Variants in KIAA0319L observed in about 807,000 individuals in gnomAD.
KIAA0319L encodes dyslexia-associated protein KIAA0319-like protein.
KIAA0319L carries 55 observed loss-of-function variants against 120.1 expected under a neutral mutation model. The ratio of observed to expected loss-of-function variants is 0.46; its 90% confidence interval spans 0.37 to 0.57. The LOEUF (loss-of-function observed/expected upper bound fraction) is 0.57. Among genes scored for constraint, KIAA0319L ranks in the 20% least tolerant of loss-of-function variants. KIAA0319L has a pLI of 0.00. For synonymous variants in KIAA0319L, 398 were observed against 471.9 expected, an observed-to-expected ratio of 0.84 and a Z score of 2.03; for missense variants, 1,049 against 1,255.3, an observed-to-expected ratio of 0.84 and a Z score of 2.48.
intron 3 of KIAA0319L, among the ~76,000 whole-genome samples, chr1:35,479,659 A>G (rs1353178308): frequency 1.3e-5 from 2 of 152,166 alleles, no homozygotes; most frequent in African/African-American, 4.8e-5. Context: ...TACTCCCAAC[A>G]CTTTGGGAGG....
chr1:35,546,461 C>T (rs763145391), intron 2 of KIAA0319L, among the ~76,000 whole-genome samples: 17 of 152,140 alleles, frequency 1.1e-4, no homozygotes, highest in Admixed American at 1.0e-3. Flanking sequence ...TTACTGAACT[C>T]AGAAGAGGAT....
intron 2 of KIAA0319L, among the ~76,000 whole-genome samples, chr1:35,548,335 T>C (rs1427835028): frequency 6.6e-6 from 1 of 152,042 alleles, no homozygotes; most frequent in East Asian, 1.9e-4. Flanking sequence ...TCCATCCATC[T>C]CCATCTCCAC....
intron 6 of KIAA0319L, among the ~76,000 whole-genome samples, chr1:35,467,317 A>AT (rs1643333410): frequency 6.6e-6 from 1 of 152,002 alleles, no homozygotes; most frequent in Admixed American, 6.6e-5. Context: ...ATATCTGAAT[A>AT]TTTTTCCCTC....
chr1:35,510,191 T>C (rs926893085), intron 2 of KIAA0319L: 8 of 152,166 alleles, frequency 5.3e-5, no homozygotes, highest in Admixed American at 1.3e-4. Flanking sequence ...TGGAATAGTC[T>C]TCATGAGCAG....
At chr1:35,512,871 C>CAAAAA (rs746942793) in intron 2 of KIAA0319L, among the ~76,000 whole-genome samples, 25 of 48,182 alleles carry the variant, frequency 5.2e-4, no homozygotes, top group African/African-American at 8.6e-4. Flanking sequence ...GACTCCATCT[C>CAAAAA]AAAAAAAAAA....
At chr1:35,519,878 TA>T (rs2148439780) in intron 2 of KIAA0319L, among the ~76,000 whole-genome samples, 1 of 152,322 alleles carries the variant, frequency 6.6e-6, no homozygotes, top group South Asian at 2.1e-4. Flanking sequence ...CCAGCACTGA[TA>T]TTCTCCACTC....
At chr1:35,510,024 T>A (rs1213823563) in intron 2 of KIAA0319L, 2 of 152,582 alleles carry the variant, frequency 1.3e-5, no homozygotes, top group Admixed American at 1.3e-4. Context: ...AAAAGTGTCA[T>A]GATAGAAAGA....
intron 9 of KIAA0319L, among the ~76,000 whole-genome samples, chr1:35,458,341 C>T (rs561497026): frequency 6.6e-6 from 1 of 152,174 alleles, no homozygotes; most frequent in Non-Finnish European, 1.5e-5. Context: ...TCACCTCAAA[C>T]AGTCCCTGGC....
At chr1:35,477,396 G>T (rs184090957) in intron 4 of KIAA0319L, among the ~76,000 whole-genome samples, 1 of 152,128 alleles carries the variant, frequency 6.6e-6, no homozygotes, top group Non-Finnish European at 1.5e-5. Context: ...GGCCGGGCGC[G>T]GTGGCTCACG....
intron 7 of KIAA0319L, 23 bp from the exon 8 acceptor site, chr1:35,462,736 A>T (rs762144398): frequency 3.7e-5 from 59 of 1,577,954 alleles, no homozygotes; most frequent in Non-Finnish European, 4.0e-5. Context: ...GACCCAAAAG[A>T]AATTGGGAAA....
chr1:35,472,368 T>C (rs543078092), intron 5 of KIAA0319L, among the ~76,000 whole-genome samples: 1 of 152,188 alleles, frequency 6.6e-6, no homozygotes, highest in African/African-American at 2.4e-5. Context: ...CTCAGCTCAC[T>C]GCAACCTCTG....
chr1:35,533,812 A>T (rs977639999), intron 2 of KIAA0319L, among the ~76,000 whole-genome samples: 2 of 152,192 alleles, frequency 1.3e-5, no homozygotes, highest in African/African-American at 4.8e-5. Flanking sequence ...ACCGTTCAAA[A>T]ACAAACCTCC....
chr1:35,444,386 T>G, intron 16 of KIAA0319L, 83 bp from the exon 17 acceptor site: 1 of 1,328,010 alleles, frequency 7.5e-7, no homozygotes, highest in African/African-American at 1.5e-5. Flanking sequence ...TACCTTCTGT[T>G]TGTGACAGAC....
At chr1:35,454,614 C>T in intron 10 of KIAA0319L, 129 bp from the exon 11 acceptor site, 2 of 1,456,200 alleles carry the variant, frequency 1.4e-6, no homozygotes, top group Non-Finnish European at 1.8e-6. Context: ...TATTACGTAC[C>T]AGTTCAGCAT....
At position 35,505,460 on chromosome 1, in the gene KIAA0319L, C is replaced by CT. The variant is rs1167736238; in HGVS notation, c.666+1151dup. ...ACTTGCCTGCTGAAGTGAATCACTT[C>CT]TTGTGTTCTTACTGCATTGTGTACA... is the stretch of plus-strand genomic sequence containing the variant. On this transcript the variant is annotated intron_variant, in intron 3 of 20. Transcript: ENST00000325722. Among the ~76,000 whole-genome samples, 4 of 152,302 alleles carry CT rather than the reference C, an allele frequency of 2.6e-5. No individual in the cohort carries two copies. The East Asian group carries it at 5.8e-4, about 22-fold the overall frequency.
At chr1:35,450,118 T>C (rs2149088008) in intron 14 of KIAA0319L, 113 bp from the exon 15 acceptor site, 17 of 1,329,464 alleles carry the variant, frequency 1.3e-5, no homozygotes, top group Non-Finnish European at 1.8e-5. Context: ...GTTTCAACCT[T>C]GGGCAGTTCC....
intron 3 of KIAA0319L, among the ~76,000 whole-genome samples, chr1:35,497,796 T>G (rs1207334074): frequency 6.6e-6 from 1 of 152,308 alleles, no homozygotes. Context: ...CTGCTTTCAT[T>G]TTTTTCATAA....
At chr1:35,511,388 A>G (rs1645439075) in intron 2 of KIAA0319L, 1 of 152,416 alleles carries the variant, frequency 6.6e-6, no homozygotes, top group East Asian at 1.9e-4. Context: ...TGAATGTGGG[A>G]AGCTTTTCCC....
chr1:35,528,361 A>C (rs148216312), intron 2 of KIAA0319L, among the ~76,000 whole-genome samples: 32 of 152,272 alleles, frequency 2.1e-4, no homozygotes, highest in African/African-American at 7.0e-4. Flanking sequence ...CAAGAAATTT[A>C]TCTCTTCTTT....
Sources: allele counts gnomAD v4.1 joint callset (sites outside exome capture counted in the v4.1 genomes callset), GRCh38; gene constraint gnomAD v4.1.1; transcripts MANE v1.5; gene names NCBI Gene and HGNC (gene_info 2026-07-23, HGNC 2026-07-21).